The following P2RY14 variants were observed in gnomAD, a reference collection of about 807,000 sequenced individuals.
P2RY14 encodes the protein P2Y purinoceptor 14.
P2RY14 carries 2 observed loss-of-function variants against 0.9 expected under a neutral mutation model. The ratio of observed to expected loss-of-function variants is 2.16; its 90% confidence interval spans 0.88 to 6.79. The LOEUF is 6.79. Among genes scored for constraint, P2RY14 ranks in the 30% most tolerant of loss-of-function variants. The pLI, the probability that P2RY14 is intolerant of heterozygous loss-of-function variation, is 0.05. For synonymous variants in P2RY14, 158 were observed against 147.2 expected, an observed-to-expected ratio of 1.07 and a Z score of -0.53; for missense variants, 378 against 400.1, an observed-to-expected ratio of 0.94 and a Z score of 0.47.
intron 1 of P2RY14, among the ~76,000 whole-genome samples, chr3:151,259,911 T>C (rs923620574): frequency 4.6e-5 from 7 of 152,258 alleles, no homozygotes; most frequent in African/African-American, 1.7e-4. Context: ...CTTTCTGTAA[T>C]CCTTGTATTT....
At chr3:151,214,549 C>T (rs544360549) in intron 2 of P2RY14, among the ~76,000 whole-genome samples, 1 of 151,778 alleles carries the variant, frequency 6.6e-6, no homozygotes, top group Admixed American at 6.6e-5. Context: ...TTCCCTCCCT[C>T]TTTCCCCCTT....
Position 151,259,334 on chromosome 3 carries a change from T to G in P2RY14, c.-133+18953A>C, listed in dbSNP as rs141733395. Among the ~76,000 whole-genome samples the G allele has an allele frequency of 3.5e-4, 54 of 152,366 alleles. 1 individual carries two copies. In the East Asian group the frequency reaches 8.7e-3, roughly 24 times the overall value. On this transcript the variant is annotated intron_variant, in intron 1 of 2. Coordinates refer to ENST00000309170, the MANE Select transcript of P2RY14 (RefSeq NM_014879.4). ...GCCTTTAAGATTTAAGGAGGAATTT[T>G]CTGATCTGAGGTACAGAACCCCAGG...
At chr3:151,219,262 T>G (rs751401182) in intron 2 of P2RY14, among the ~76,000 whole-genome samples, 4 of 152,214 alleles carry the variant, frequency 2.6e-5, no homozygotes, top group Non-Finnish European at 5.9e-5. Flanking sequence ...GGGTTCTCTC[T>G]TTGGACAGAA....
At chr3:151,261,312 TG>T (rs1738842401) in intron 1 of P2RY14, 1 of 152,118 alleles carries the variant, frequency 6.6e-6, no homozygotes. Flanking sequence ...ATATCAAAGC[TG>T]GTTTCTAATC....
intron 1 of P2RY14, among the ~76,000 whole-genome samples, chr3:151,225,178 C>A (rs1730243179): frequency 1.3e-5 from 2 of 152,126 alleles, no homozygotes; most frequent in South Asian, 4.1e-4. Flanking sequence ...AAGTCATAGA[C>A]CTGTCCAGGG....
chr3:151,254,104 C>T (rs990832117), intron 1 of P2RY14, among the ~76,000 whole-genome samples: 3 of 151,210 alleles, frequency 2.0e-5, no homozygotes, highest in Non-Finnish European at 4.4e-5. Flanking sequence ...AATAGAAGTC[C>T]ATACCCTTTT....
At chr3:151,222,319 A>G (rs1398129960) in intron 1 of P2RY14, among the ~76,000 whole-genome samples, 2 of 152,204 alleles carry the variant, frequency 1.3e-5, no homozygotes, top group African/African-American at 4.8e-5. Context: ...GACTGTTGGA[A>G]GACATGATTG....
At chr3:151,240,437 G>A (rs1733845578) in intron 1 of P2RY14, among the ~76,000 whole-genome samples, 1 of 152,220 alleles carries the variant, frequency 6.6e-6, no homozygotes, top group Non-Finnish European at 1.5e-5. Flanking sequence ...AATAGCTGCT[G>A]CGTGCCAGGT....
At chr3:151,226,781 T>A (rs1414844753) in intron 1 of P2RY14, among the ~76,000 whole-genome samples, 1 of 152,242 alleles carries the variant, frequency 6.6e-6, no homozygotes, top group Non-Finnish European at 1.5e-5. Context: ...TGCCAGTTTC[T>A]AAAAGTATTT....
chr3:151,212,611 T>A lies in P2RY14; in HGVS notation c.*689A>T, dbSNP rs941202765. On this transcript the variant is annotated 3_prime_UTR_variant, in exon 3 of 3. Transcript: ENST00000309170. Reference sequence around the variant, plus strand: ...TCTAACACCAGAACCCCAGGCTCATTAAATGACGTAAGTCTTTGTAGAAAA... The same window carrying A: ...TCTAACACCAGAACCCCAGGCTCATAAAATGACGTAAGTCTTTGTAGAAAA... The A allele has an allele frequency of 6.6e-6, 1 of 152,116 alleles. No individual in the cohort carries two copies. Among genetic ancestry groups the A allele is most frequent in the Non-Finnish European group, 1.5e-5 (1 of 68,016 alleles). The allele number at this position is 152,116 out of a possible 1,614,324, so 9.4% of individuals were successfully genotyped here. A position where few individuals can be genotyped will look rare whatever the true frequency, so the allele number is the denominator to read the frequency against.
chr3:151,224,623 A>G (rs1401582640), intron 1 of P2RY14, among the ~76,000 whole-genome samples: 1 of 152,138 alleles, frequency 6.6e-6, no homozygotes, highest in East Asian at 1.9e-4. Flanking sequence ...AGGCTCAGTC[A>G]AGGAGAATCT....
chr3:151,214,295 G>A lies in P2RY14; in HGVS notation c.22C>T (p.Gln8Ter). The change falls in exon 3 of 3, where the codon CAG becomes TAG. Residue 8 changes from glutamine to a stop codon, truncating the protein, a stop_gained. Coordinates refer to ENST00000309170, the MANE Select transcript of P2RY14 (RefSeq NM_014879.4). LOFTEE classifies it low-confidence loss of function (END_TRUNC). ...TGAGAGCAGGATTCATCTGGAGGCT[G>A]TGTGGAGGTTGAATTGATCATCTTG... MINSTST[Q>*]PPDESCSQNL... 1 of 1,613,488 alleles carries A rather than the reference G, an allele frequency of 6.2e-7. No homozygotes were observed. The highest frequency in any genetic ancestry group is 1.3e-5 in the African/African-American group (1 of 75,026).
In P2RY14 at chr3:151,213,536, T is replaced by G; in HGVS notation, c.781A>C (p.Thr261Pro). ...GACTGGCAGCTGTAATGAGCTTCGG[T>G]CTGACTCTTTGTGTAGGGGATTCTG... ...IARIPYTKSQ[T>P]EAHYSCQSKE... Residue 261 changes from threonine (T) to proline (P), a missense_variant, in exon 3 of 3, where the codon ACC becomes CCC. Coordinates refer to ENST00000309170, the MANE Select transcript of P2RY14 (RefSeq NM_014879.4). 2 of 1,614,162 alleles carry G rather than the reference T, an allele frequency of 1.2e-6. No individual in the cohort carries two copies. Among genetic ancestry groups the G allele is most frequent in the Non-Finnish European group, 1.7e-6 (2 of 1,180,030 alleles).
rs779050124 is a variant in P2RY14, at chr3:151,213,368, G to A, written c.949C>T (p.Gln317Ter). The A allele has an allele frequency of 4.8e-5, 77 of 1,613,746 alleles. No individual in the cohort carries two copies. Among genetic ancestry groups the A allele is most frequent in the Non-Finnish European group, 6.4e-5 (75 of 1,179,872 alleles). Residue 317 changes from glutamine (Q) to a stop codon, truncating the protein, a stop_gained, in exon 3 of 3, where the codon CAG (glutamine) becomes TAG (stop). Coordinates refer to ENST00000309170, the MANE Select transcript of P2RY14 (RefSeq NM_014879.4). LOFTEE classifies it high-confidence loss of function. Reference sequence around the variant, plus strand: ...ATTCTGGAAATGTCTAGGTCATTCTGAGCTTTTAATGGAATGTGCAATTTC... The same window carrying A: ...ATTCTGGAAATGTCTAGGTCATTCTAAGCTTTTAATGGAATGTGCAATTTC... ...CKKLHIPLKA[Q>*]NDLDISRIKR... is the part of the protein sequence containing the mutation.
At chr3:151,269,775 A>G in intron 1 of P2RY14, 1 of 423,712 alleles carries the variant, frequency 2.4e-6, no homozygotes, top group Admixed American at 2.8e-5. Context: ...ATCTATTTTT[A>G]GAGTCCACTG....
chr3:151,231,267 G>A (rs111452158), intron 1 of P2RY14, among the ~76,000 whole-genome samples: 72 of 152,348 alleles, frequency 4.7e-4, no homozygotes, highest in African/African-American at 1.6e-3. Context: ...TGTGATAACT[G>A]ATTCAGGCAA....
chr3:151,253,437 C>T (rs879834753), intron 1 of P2RY14, among the ~76,000 whole-genome samples: 10 of 152,148 alleles, frequency 6.6e-5, no homozygotes, highest in Non-Finnish European at 1.5e-4. Flanking sequence ...TTCTGTTCTC[C>T]CTCCTCTGGC....
chr3:151,261,016 G>A (rs1250198764), intron 1 of P2RY14, among the ~76,000 whole-genome samples: 3 of 152,094 alleles, frequency 2.0e-5, no homozygotes, highest in Admixed American at 2.0e-4. Flanking sequence ...GGGCAAGCAT[G>A]GCCTGAGGAT....
chr3:151,252,053 C>T (rs1454845196), intron 1 of P2RY14, among the ~76,000 whole-genome samples: 1 of 152,138 alleles, frequency 6.6e-6, no homozygotes, highest in Non-Finnish European at 1.5e-5. Flanking sequence ...TGGAAACATA[C>T]TACTTTCAGA....
Sources: allele counts gnomAD v4.1 joint callset (sites outside exome capture counted in the v4.1 genomes callset), GRCh38; gene constraint gnomAD v4.1.1; transcripts MANE v1.5; gene names NCBI Gene and HGNC (gene_info 2026-07-23, HGNC 2026-07-21).